COP1: variants seen among roughly 807,000 people sequenced by gnomAD.
COP1 encodes the protein COP1 E3 ubiquitin ligase.
Under a neutral mutation model 101.3 loss-of-function variants are expected in COP1, and 24 were observed. The observed-to-expected ratio is 0.24, with a 90% confidence interval of 0.17 to 0.33. COP1 has a LOEUF of 0.33. Ranked by LOEUF, COP1 falls within the 10% of genes least tolerant of loss-of-function variation. The pLI is 1.00. For missense variants in COP1, 663 were observed against 906.2 expected, an observed-to-expected ratio of 0.73 and a Z score of 3.45; for synonymous variants, 347 against 341.9, an observed-to-expected ratio of 1.01 and a Z score of -0.17.
intron 15 of COP1, among the ~76,000 whole-genome samples, chr1:176,010,593 C>T (rs1664487019): frequency 6.6e-6 from 1 of 152,074 alleles, no homozygotes; most frequent in Admixed American, 6.6e-5. Flanking sequence ...GGTGATGGTC[C>T]TTTCTATCAC....
chr1:175,949,168 C>CAAAAAAAAAAAAAAAA lies in COP1; in HGVS notation c.2134-1945_2134-1930dup, dbSNP rs56280543. Among the ~76,000 whole-genome samples, 103 of 43,150 alleles carry CAAAAAAAAAAAAAAAA rather than the reference C, an allele frequency of 2.4e-3. 15 individuals are homozygous for CAAAAAAAAAAAAAAAA. Among genetic ancestry groups the CAAAAAAAAAAAAAAAA allele is most frequent in the African/African-American group, 6.8e-3 (66 of 9,708 alleles). The allele number at this position is 43,150 out of a possible 152,430, so 28.3% of individuals were successfully genotyped here. On this transcript the variant is annotated intron_variant, in intron 18 of 19. Transcript: ENST00000367669. ...GAGAGACTCCAGCAAGGCTCCGTCT[C>CAAAAAAAAAAAAAAAA]AAAAAAAAAAAAAAAAAAAAAAAAT...
At position 175,989,450 on chromosome 1, in the gene COP1, T is replaced by C. The variant is rs1657893637; in HGVS notation, c.1759A>G (p.Asn587Asp). ...AATACCATGATTGGCTGTTTAGTGT[T>C]ACGAAGATCATAGTAGTGGACACAG... ...DHCVHYYDLR[N>D]TKQPIMVFKG... Residue 587 changes from asparagine to aspartate, a missense_variant, in exon 16 of 20, where the codon AAC (asparagine) becomes GAC (aspartate). Physicochemically the swap from Asn to Asp is conservative, Grantham distance 23. Coordinates refer to ENST00000367669, the MANE Select transcript of COP1 (RefSeq NM_022457.7). 2 of 1,602,626 alleles carry C rather than the reference T, an allele frequency of 1.2e-6. No individual in the cohort carries two copies. The highest frequency in any genetic ancestry group is 1.7e-6 in the Non-Finnish European group (2 of 1,169,574).
At chr1:176,094,912 C>T (rs1370530310) in intron 9 of COP1, among the ~76,000 whole-genome samples, 1 of 152,164 alleles carries the variant, frequency 6.6e-6, no homozygotes, top group East Asian at 1.9e-4. Flanking sequence ...TAGCGGAGTA[C>T]AAAAGCAATG....
At chr1:176,015,432 T>C (rs1665451380) in intron 15 of COP1, among the ~76,000 whole-genome samples, 1 of 151,918 alleles carries the variant, frequency 6.6e-6, no homozygotes, top group Non-Finnish European at 1.5e-5. Flanking sequence ...TAACCAAAAG[T>C]AAAGGGAAGG....
chr1:176,027,989 G>A (rs1473943750), intron 14 of COP1, among the ~76,000 whole-genome samples: 2 of 151,914 alleles, frequency 1.3e-5, no homozygotes, highest in East Asian at 3.9e-4. Context: ...GAGGAGCAAA[G>A]TCATGTCTTA....
intron 8 of COP1, among the ~76,000 whole-genome samples, chr1:176,126,805 C>T (rs1385969016): frequency 1.3e-5 from 2 of 152,122 alleles, no homozygotes; most frequent in Non-Finnish European, 2.9e-5. Flanking sequence ...TTTTATCTTT[C>T]ATTCTGTTGA....
At chr1:176,007,804 T>C (rs1039941122) in intron 15 of COP1, among the ~76,000 whole-genome samples, 2 of 152,242 alleles carry the variant, frequency 1.3e-5, no homozygotes, top group Admixed American at 6.5e-5. Context: ...TTTGTTTGTG[T>C]GTGCCCTGTC....
chr1:176,102,239 CTTTGCTGAGAGTTATT>C (rs1683544010), intron 9 of COP1, among the ~76,000 whole-genome samples: 1 of 152,152 alleles, frequency 6.6e-6, no homozygotes, highest in Admixed American at 6.5e-5. Flanking sequence ...TTCTGTCTCA[CTTTGCTGAGAGTTATT>C]TTTCCCTTTT....
intron 18 of COP1, among the ~76,000 whole-genome samples, chr1:175,970,132 G>A (rs2148598591): frequency 6.6e-6 from 1 of 152,094 alleles, no homozygotes; most frequent in East Asian, 1.9e-4. Flanking sequence ...AATGTACCTG[G>A]GGCAACACTA....
intron 3 of COP1, among the ~76,000 whole-genome samples, chr1:176,170,936 T>C (rs1444434674): frequency 6.6e-6 from 1 of 151,780 alleles, no homozygotes; most frequent in Non-Finnish European, 1.5e-5. Context: ...CCATCCTGGC[T>C]AACACAGTGA....
chr1:176,124,921 T>C (rs1687766621), intron 8 of COP1, among the ~76,000 whole-genome samples: 1 of 152,180 alleles, frequency 6.6e-6, no homozygotes, highest in Non-Finnish European at 1.5e-5. Context: ...ACATCTTCAC[T>C]AGCATTTGTT....
intron 14 of COP1, among the ~76,000 whole-genome samples, chr1:176,029,490 A>G (rs375966923): frequency 7.2e-5 from 11 of 152,224 alleles, no homozygotes; most frequent in Admixed American, 2.6e-4. Context: ...TTTTCAGTAT[A>G]TAAGTTGTCA....
Position 176,149,061 on chromosome 1 carries a change from G to T in COP1, c.776C>A (p.Ala259Asp). ...KKQLEAESHAAQLQILMEFLK... is the reference protein window; with the variant it reads ...KKQLEAESHADQLQILMEFLK... ...GAATTCCATAAGAATCTGTAGTTGGGCTGCATGTGATTCCTACAATAGAAA... is the reference window on the plus strand; with the variant it reads ...GAATTCCATAAGAATCTGTAGTTGGTCTGCATGTGATTCCTACAATAGAAA... Residue 259 changes from alanine (A) to aspartate (D), a missense_variant, in exon 6 of 20, where the codon GCC (alanine) becomes GAC (aspartate). By Grantham distance (126) the Ala-to-Asp change is moderately radical (BLOSUM62 -2). Around this residue, in one of 4 missense-constraint regions of COP1, gnomAD observed 212 missense variants for 240.7 expected, o/e 0.88. Coordinates refer to ENST00000367669, the MANE Select transcript of COP1 (RefSeq NM_022457.7). The T allele has an allele frequency of 1.9e-6, 3 of 1,579,488 alleles. No individual in the cohort carries two copies. Among genetic ancestry groups the T allele is most frequent in the Non-Finnish European group, 2.6e-6 (3 of 1,157,902 alleles).
At chr1:176,176,363 C>A (rs573262806) in intron 2 of COP1, among the ~76,000 whole-genome samples, 2 of 151,990 alleles carry the variant, frequency 1.3e-5, no homozygotes, top group Non-Finnish European at 2.9e-5. Context: ...TATTGGCCTG[C>A]GAATACCCTT....
intron 11 of COP1, among the ~76,000 whole-genome samples, chr1:176,070,333 CCTTT>C (rs1676740323): frequency 7.0e-6 from 1 of 142,908 alleles, no homozygotes; most frequent in African/African-American, 2.6e-5. Context: ...ACTTGTGCTG[CCTTT>C]TTTTTTTTTT....
chr1:176,204,087 C>G (rs1700579377), intron 1 of COP1, among the ~76,000 whole-genome samples: 1 of 152,198 alleles, frequency 6.6e-6, no homozygotes, highest in South Asian at 2.1e-4. Flanking sequence ...AATACATGTA[C>G]TCGAACTTAC....
In COP1 at chr1:176,149,457, G is replaced by C. The variant is rs74911799; in HGVS notation, c.763-383C>G. On this transcript the variant is annotated intron_variant, in intron 5 of 19. Coordinates refer to ENST00000367669, the MANE Select transcript of COP1 (RefSeq NM_022457.7). The stretch of plus-strand genomic sequence containing the variant: ...TAGACACTAAAATCACTTTCTCCAT[G>C]AGAAGTTCATTTGCAGAGGTAAGTG... Among the ~76,000 whole-genome samples, 125 of 152,204 alleles carry C rather than the reference G, an allele frequency of 8.2e-4. 4 individuals carry two copies. The East Asian group carries it at 0.011, about 14-fold the overall frequency.
intron 1 of COP1, 82 bp from the exon 2 acceptor site, chr1:176,184,774 G>T: frequency 1.1e-6 from 1 of 923,988 alleles, no homozygotes; most frequent in Non-Finnish European, 1.7e-6. Context: ...CAATACCAAT[G>T]AAATCATATT....
At chr1:176,148,131 T>C (rs527280097) in intron 6 of COP1, among the ~76,000 whole-genome samples, 69 of 152,130 alleles carry the variant, frequency 4.5e-4, no homozygotes, top group African/African-American at 1.5e-3. Context: ...AGATGTTTGT[T>C]AGTAGGAATA....
Sources: gnomAD v4.1 joint callset for allele counts (sites outside exome capture counted in the v4.1 genomes callset) on GRCh38, gnomAD v4.1.1 for gene constraint, gnomAD v4.1.1 regional missense constraint, MANE v1.5 for transcripts, NCBI Gene and HGNC (gene_info 2026-07-23, HGNC 2026-07-21) for gene names.